Variants in PACRG observed in about 807,000 individuals in gnomAD.
PACRG encodes the protein parkin coregulated gene protein.
Under a neutral mutation model 29.7 loss-of-function variants are expected in PACRG, and 29 were observed. The observed-to-expected ratio is 0.98, with a 90% CI of 0.73 to 1.33. The LOEUF is 1.33. Among genes scored for constraint, PACRG ranks in the 40% most tolerant of loss-of-function variants. The pLI is 0.00. For synonymous variants in PACRG, 116 were observed against 118.7 expected (o/e 0.98, Z 0.15); for missense variants, 279 against 316.2 (o/e 0.88, Z 0.89).
chr6:163,254,253 G>C (rs931288434), intron 4 of PACRG, among the ~76,000 whole-genome samples: 1 of 152,134 alleles, frequency 6.6e-6, no homozygotes, highest in African/African-American at 2.4e-5. Flanking sequence ...TCTGTGGATC[G>C]CAAGAGTCTG....
chr6:162,834,283 A>G (rs899681179), intron 2 of PACRG, among the ~76,000 whole-genome samples: 1 of 152,156 alleles, frequency 6.6e-6, no homozygotes, highest in Non-Finnish European at 1.5e-5. Context: ...ACAACATATG[A>G]AATACATATA....
intron 2 of PACRG, among the ~76,000 whole-genome samples, chr6:162,985,354 A>G (rs1013129862): frequency 2.0e-5 from 3 of 152,110 alleles, no homozygotes; most frequent in African/African-American, 7.2e-5. Context: ...AAGATAATCC[A>G]CCATGATCAA....
intron 4 of PACRG, among the ~76,000 whole-genome samples, chr6:163,231,567 T>A (rs1228902803): frequency 2.0e-5 from 3 of 152,122 alleles, no homozygotes; most frequent in African/African-American, 7.2e-5. Flanking sequence ...TTCACAACTA[T>A]GAGCCCAGAT....
At chr6:163,298,120 CA>C (rs993065467) in intron 4 of PACRG, among the ~76,000 whole-genome samples, 1 of 152,034 alleles carries the variant, frequency 6.6e-6, no homozygotes, top group African/African-American at 2.4e-5. Context: ...TTGTGCATGC[CA>C]AAAAATCTAA....
intron 2 of PACRG, among the ~76,000 whole-genome samples, chr6:162,928,694 T>G (rs1584779674): frequency 6.6e-6 from 1 of 152,096 alleles, no homozygotes; most frequent in East Asian, 1.9e-4. Context: ...TACAGATCTA[T>G]CAAACTCCAG....
intron 2 of PACRG, among the ~76,000 whole-genome samples, chr6:163,041,151 C>G (rs2128237067): frequency 6.6e-6 from 1 of 152,176 alleles, no homozygotes; most frequent in Non-Finnish European, 1.5e-5. Flanking sequence ...TCCCAGCTAA[C>G]ATGGTGAAAC....
At chr6:162,838,770 G>C (rs997596344) in intron 2 of PACRG, among the ~76,000 whole-genome samples, 10 of 120,066 alleles carry the variant, frequency 8.3e-5, no homozygotes, top group African/African-American at 3.0e-4. Flanking sequence ...AGTCCCCAGA[G>C]TGTGATATTC....
intron 4 of PACRG, among the ~76,000 whole-genome samples, chr6:163,293,756 A>T (rs949797040): frequency 6.6e-6 from 1 of 152,220 alleles, no homozygotes; most frequent in Non-Finnish European, 1.5e-5. Context: ...TACAGGGAAT[A>T]TAGGTTTACA....
At chr6:162,879,022 A>G (rs1292346729) in intron 2 of PACRG, among the ~76,000 whole-genome samples, 1 of 152,214 alleles carries the variant, frequency 6.6e-6, no homozygotes, top group Non-Finnish European at 1.5e-5. Flanking sequence ...GTAATTGCAT[A>G]CAAAGGAGGA....
intron 4 of PACRG, among the ~76,000 whole-genome samples, chr6:163,230,044 C>T (rs561989143): frequency 2.2e-4 from 33 of 152,200 alleles, no homozygotes; most frequent in Admixed American, 2.6e-4. Flanking sequence ...GCATCAGAAA[C>T]GCCTCAAAGT....
intron 1 of PACRG, among the ~76,000 whole-genome samples, chr6:162,730,129 A>C (rs1420748873): frequency 6.9e-6 from 1 of 145,902 alleles, no homozygotes; most frequent in Non-Finnish European, 1.5e-5. Context: ...TCAGCAAAGC[A>C]AAGTCCCTGC....
intron 2 of PACRG, among the ~76,000 whole-genome samples, chr6:162,852,005 G>GAGGGAGGAAGGAAAGGAAGGAAGGAAGGA (rs1554291943): frequency 8.6e-6 from 1 of 116,032 alleles, no homozygotes; most frequent in African/African-American, 3.4e-5. Flanking sequence ...GGGAGGGAGG[G>GAGGGAGGAAGGAAAGGAAGGAAGGAAGGA]AGGAAGGAAG....
At chr6:162,830,450 C>T (rs1248691730) in intron 2 of PACRG, among the ~76,000 whole-genome samples, 2 of 152,228 alleles carry the variant, frequency 1.3e-5, no homozygotes, top group Non-Finnish European at 2.9e-5. Context: ...TTCTCCAACT[C>T]TTGGCCAACT....
chr6:162,908,075 G>A (rs1314668956), intron 2 of PACRG, among the ~76,000 whole-genome samples: 1 of 152,192 alleles, frequency 6.6e-6, no homozygotes, highest in African/African-American at 2.4e-5. Context: ...ATTTGGGTAT[G>A]TAACCACCAG....
At chr6:163,185,759 CTTTA>C (rs140972046) in intron 4 of PACRG, among the ~76,000 whole-genome samples, 68 of 152,266 alleles carry the variant, frequency 4.5e-4, no homozygotes, top group African/African-American at 1.5e-3. Flanking sequence ...ATTAAATGCT[CTTTA>C]TTTCTCTGTA....
At chr6:162,836,807 A>G (rs1789269119) in intron 2 of PACRG, among the ~76,000 whole-genome samples, 1 of 152,214 alleles carries the variant, frequency 6.6e-6, no homozygotes, top group Non-Finnish European at 1.5e-5. Flanking sequence ...GAAGAAAACC[A>G]GATAAATTCT....
At chr6:163,258,858 C>T (rs1351391887) in intron 4 of PACRG, among the ~76,000 whole-genome samples, 1 of 151,938 alleles carries the variant, frequency 6.6e-6, no homozygotes, top group Non-Finnish European at 1.5e-5. Flanking sequence ...TTTTTATTAA[C>T]ACTTCTGGCA....
Position 163,178,331 on chromosome 6 carries a change from T to C in PACRG, c.613+88923T>C, listed in dbSNP as rs73595526. ...CGGCGTGGCACGGACGTGCTGATCTTATGGTCAGAGGGACAAGGGGAAGTG... is the reference window on the plus strand; with the variant it reads ...CGGCGTGGCACGGACGTGCTGATCTCATGGTCAGAGGGACAAGGGGAAGTG... On this transcript the variant is annotated intron_variant, in intron 4 of 4. Coordinates refer to ENST00000366888, the MANE Select transcript of PACRG (RefSeq NM_001080379.2). Among the ~76,000 whole-genome samples the C allele has an allele frequency of 7.7e-3, 1,180 of 152,270 alleles. 11 individuals carry two copies. Among genetic ancestry groups the C allele is most frequent in the African/African-American group, 0.025 (1,029 of 41,560 alleles).
intron 4 of PACRG, among the ~76,000 whole-genome samples, chr6:163,285,267 C>T (rs894797452): frequency 5.3e-5 from 8 of 152,036 alleles, no homozygotes; most frequent in African/African-American, 1.7e-4. Flanking sequence ...TTTGCGCAAA[C>T]CCTTCTCTTT....
Sources: allele counts gnomAD v4.1 joint callset (sites outside exome capture counted in the v4.1 genomes callset), GRCh38; gene constraint gnomAD v4.1.1; transcripts MANE v1.5; gene names NCBI Gene and HGNC (gene_info 2026-07-23, HGNC 2026-07-21).